ERP27: variants seen among roughly 807,000 people sequenced by gnomAD.
The protein encoded by ERP27 is endoplasmic reticulum resident protein 27.
ERP27 carries 23 observed loss-of-function variants against 27.7 expected under a neutral mutation model. The observed-to-expected ratio is 0.83, with a 90% CI of 0.60 to 1.18. ERP27 has a LOEUF of 1.18. Ranked by LOEUF, ERP27 falls within the 50% of genes most tolerant of loss-of-function variation. The pLI, the probability that ERP27 is intolerant of heterozygous loss-of-function variation, is 0.00. For synonymous variants in ERP27, 159 were observed against 118.3 expected, an observed-to-expected ratio of 1.34 and a Z score of -2.23; for missense variants, 363 against 327.9, an observed-to-expected ratio of 1.11 and a Z score of -0.83.
At chr12:14,936,913 T>A (rs1272005263) in intron 2 of ERP27, among the ~76,000 whole-genome samples, 1 of 152,104 alleles carries the variant, frequency 6.6e-6, no homozygotes, top group Non-Finnish European at 1.5e-5. Context: ...AACATACCCG[T>A]CTTGCATCTG....
Position 14,915,634 on chromosome 12 carries a change from G to T in ERP27, c.629C>A (p.Ser210Ter). Reference sequence around the variant, plus strand: ...TTGAGACTCCTTTAGTTTGAAAAATGATATCACCTTCCCATTTTCTTTCAT... The same window carrying T: ...TTGAGACTCCTTTAGTTTGAAAAATTATATCACCTTCCCATTTTCTTTCAT... ...SGMKENGKVI[S>*]FFKLKESQLP... Residue 210 changes from serine to a stop codon, truncating the protein, a stop_gained, in exon 6 of 7, where the codon TCA becomes TAA. Transcript: ENST00000266397. LOFTEE classifies it high-confidence loss of function. The T allele has an allele frequency of 6.2e-7, 1 of 1,614,186 alleles. No homozygotes were observed. Among genetic ancestry groups the T allele is most frequent in the Non-Finnish European group, 8.5e-7 (1 of 1,180,018 alleles).
rs569268826 is a variant in ERP27 at position 14,937,059 on chromosome 12, T to TG, written c.195+892_195+893insC. Among the ~76,000 whole-genome samples the TG allele has an allele frequency of 1.3e-4, 20 of 152,276 alleles. No homozygotes were observed. The East Asian group carries it at 3.9e-3, about 29-fold the overall frequency. On this transcript the variant is annotated intron_variant, in intron 2 of 6. Transcript: ENST00000266397. ...TGATGGCATCTGGCGGCTGTTTAAGTTATTGCACACTCCTCCAATTCCATG... is the reference window on the plus strand; with the variant it reads ...TGATGGCATCTGGCGGCTGTTTAAGTGTATTGCACACTCCTCCAATTCCATG...
At chr12:14,927,283 G>A (rs1863617044) in intron 3 of ERP27, among the ~76,000 whole-genome samples, 2 of 151,788 alleles carry the variant, frequency 1.3e-5, no homozygotes, top group African/African-American at 4.8e-5. Flanking sequence ...ATATATATTT[G>A]CATATGTGTA....
chr12:14,923,705 T>G (rs1235671291), intron 3 of ERP27, among the ~76,000 whole-genome samples: 2 of 152,138 alleles, frequency 1.3e-5, no homozygotes, highest in African/African-American at 4.8e-5. Context: ...CTTTTTCCTA[T>G]TTTATTATAT....
At chr12:14,937,500 G>A (rs548901764) in intron 2 of ERP27, among the ~76,000 whole-genome samples, 5 of 152,308 alleles carry the variant, frequency 3.3e-5, no homozygotes, top group African/African-American at 1.2e-4. Flanking sequence ...TTGGGGGAAA[G>A]GCTTTAAAAG....
At chr12:14,929,897 G>A (rs1249550812) in intron 3 of ERP27, among the ~76,000 whole-genome samples, 1 of 151,668 alleles carries the variant, frequency 6.6e-6, no homozygotes, top group Non-Finnish European at 1.5e-5. Flanking sequence ...AGGTCCTCAC[G>A]TCCTCGGTTT....
At chr12:14,936,599 C>T (rs375506001) in intron 2 of ERP27, among the ~76,000 whole-genome samples, 4 of 152,184 alleles carry the variant, frequency 2.6e-5, no homozygotes, top group South Asian at 2.1e-4. Context: ...AAATGTAATC[C>T]CCATAATCCC....
At chr12:14,937,279 G>A (rs1863786827) in intron 2 of ERP27, among the ~76,000 whole-genome samples, 1 of 152,226 alleles carries the variant, frequency 6.6e-6, no homozygotes, top group Non-Finnish European at 1.5e-5. Flanking sequence ...TCTGCTATGA[G>A]AGAGTAGGGG....
At position 14,924,015 on chromosome 12, in the gene ERP27, C is replaced by CTCTTCCA. The variant is rs1218029989; in HGVS notation, c.334-2974_334-2968dup. 2.3e-4 allele frequency among the ~76,000 whole-genome samples: 35 copies of CTCTTCCA among 152,270 alleles called. No homozygotes were observed. In the South Asian group the frequency reaches 2.9e-3, roughly 13 times the overall value. On this transcript the variant is annotated intron_variant, in intron 3 of 6. Coordinates refer to ENST00000266397, the MANE Select transcript of ERP27 (RefSeq NM_152321.4). Reference sequence around the variant, plus strand: ...CTCCCTGTCCCCACTTCCCTCTTCCCTCTTCCATCACCACTTCCCCCTCCG... The same window carrying CTCTTCCA: ...CTCCCTGTCCCCACTTCCCTCTTCCCTCTTCCATCTTCCATCACCACTTCCCCCTCCG...
Position 14,928,409 on chromosome 12 carries a change from C to G in ERP27, c.333+6447G>C, listed in dbSNP as rs542195678. Among the ~76,000 whole-genome samples the G allele has an allele frequency of 9.2e-5, 14 of 152,326 alleles. No homozygotes were observed. The South Asian group carries it at 2.9e-3, about 32-fold the overall frequency. Reference sequence around the variant, plus strand: ...TCAAGAGGGTCTCCCATTGGGGTAACTAAAAGCAATAAGAACTCTGGAGAT... The same window carrying G: ...TCAAGAGGGTCTCCCATTGGGGTAAGTAAAAGCAATAAGAACTCTGGAGAT... On this transcript the variant is annotated intron_variant, in intron 3 of 6. Transcript: ENST00000266397.
At position 14,928,936 on chromosome 12, in the gene ERP27, G is replaced by T. The variant is rs150924838; in HGVS notation, c.333+5920C>A. 228 of 1,534,914 alleles carry T rather than the reference G, an allele frequency of 1.5e-4. 2 individuals are homozygous for T. In the East Asian group the frequency reaches 5.5e-3, roughly 37 times the overall value. ...GCAGCTCCTCTAGATACTTAATGCT[G>T]CTACCGACCTGTATTTCCAGCTGGC... is the stretch of plus-strand genomic sequence containing the variant. On this transcript the variant is annotated intron_variant, in intron 3 of 6. Coordinates refer to ENST00000266397, the MANE Select transcript of ERP27 (RefSeq NM_152321.4).
Position 14,914,487 on chromosome 12 carries a change from T to G in ERP27, c.*248A>C. On this transcript the variant is annotated 3_prime_UTR_variant, in exon 7 of 7. Coordinates refer to ENST00000266397, the MANE Select transcript of ERP27 (RefSeq NM_152321.4). Reference sequence around the variant, plus strand: ...AATGCACGATAAGAAGGAAATTGGATAGGGAGTGAGGATATGAAATTTAAA... The same window carrying G: ...AATGCACGATAAGAAGGAAATTGGAGAGGGAGTGAGGATATGAAATTTAAA... 1 of 486,930 alleles carries G rather than the reference T, an allele frequency of 2.1e-6. No individual in the cohort carries two copies. Among genetic ancestry groups the G allele is most frequent in the African/African-American group, 1.9e-5 (1 of 51,318 alleles). 30.2% of individuals were successfully genotyped at this position (486,930 alleles called of 1,614,324 possible).
In ERP27 at chr12:14,920,791, A is replaced by G. The variant is rs531506059; in HGVS notation, c.450+141T>C. 68 of 628,176 alleles carry G rather than the reference A, an allele frequency of 1.1e-4. No homozygotes were observed. In the African/African-American group the frequency reaches 1.1e-3, roughly 10 times the overall value. The allele number at this position is 628,176 out of a possible 1,614,324, so 38.9% of individuals were successfully genotyped here. A position where few individuals can be genotyped will look rare whatever the true frequency, so the allele number is the denominator to read the frequency against. Reference sequence around the variant, plus strand: ...AACAAGTTAAATCTTAAAAAGGTGTAGGAAGGATAGTAACATAAACAATAC... The same window carrying G: ...AACAAGTTAAATCTTAAAAAGGTGTGGGAAGGATAGTAACATAAACAATAC... On this transcript the variant is annotated intron_variant, in intron 4 of 6. Coordinates refer to ENST00000266397, the MANE Select transcript of ERP27 (RefSeq NM_152321.4).
chr12:14,923,043 C>T (rs1045345496), intron 3 of ERP27, among the ~76,000 whole-genome samples: 61 of 146,038 alleles, frequency 4.2e-4, no homozygotes, highest in African/African-American at 1.4e-3. Flanking sequence ...CATTGCACTC[C>T]GGCCTGGGTG....
chr12:14,929,823 A>G (rs1425229655), intron 3 of ERP27, among the ~76,000 whole-genome samples: 1 of 152,142 alleles, frequency 6.6e-6, no homozygotes, highest in African/African-American at 2.4e-5. Flanking sequence ...AAATTGTCTT[A>G]GTTTATGCCA....
chr12:14,917,171 G>T lies in ERP27; in HGVS notation c.576+7C>A. 1 of 1,613,946 alleles carries T rather than the reference G, an allele frequency of 6.2e-7. No homozygotes were observed. Among genetic ancestry groups the T allele is most frequent in the Non-Finnish European group, 8.5e-7 (1 of 1,179,946 alleles). ...TATGCAATAGGATATTCCCATTCTT[G>T]CCTTACCTTCCCCTGGAAGAGCTTG... On this transcript the variant is annotated splice_region_variant and intron_variant, in intron 5 of 6. Transcript: ENST00000266397.
chr12:14,930,485 G>C (rs56254514), intron 3 of ERP27, among the ~76,000 whole-genome samples: 2,642 of 152,324 alleles, frequency 0.017, 39 homozygotes, highest in South Asian at 0.04. Flanking sequence ...TTTTAGGACA[G>C]GCTCATAGTT....
intron 4 of ERP27, among the ~76,000 whole-genome samples, chr12:14,920,154 A>G (rs184832687): frequency 5.9e-5 from 9 of 152,342 alleles, no homozygotes; most frequent in Admixed American, 4.6e-4. Flanking sequence ...ACATAAGATA[A>G]TTCTGTAGAC....
rs893428388 is a variant in ERP27, at chr12:14,938,408, C to T, written c.94+7G>A. The T allele has an allele frequency of 1.2e-5, 20 of 1,613,956 alleles. No individual in the cohort carries two copies. The African/African-American group carries it at 2.1e-4, about 17-fold the overall frequency. On this transcript the variant is annotated splice_region_variant and intron_variant, in intron 1 of 6. Transcript: ENST00000266397. ...ACTATAGCCACCCAACTACATTTTTCTTTTACCTGAGGATTTCTCAACTTC... is the reference window on the plus strand; with the variant it reads ...ACTATAGCCACCCAACTACATTTTTTTTTTACCTGAGGATTTCTCAACTTC...
Sources: gnomAD v4.1 joint callset for allele counts (sites outside exome capture counted in the v4.1 genomes callset) on GRCh38, gnomAD v4.1.1 for gene constraint, MANE v1.5 for transcripts, NCBI Gene and HGNC (gene_info 2026-07-23, HGNC 2026-07-21) for gene names.